The following OCLN variants were observed in gnomAD, a reference collection of about 807,000 sequenced individuals.
OCLN encodes phosphatase 1, regulatory subunit 115.
Under a neutral mutation model 47.9 loss-of-function variants are expected in OCLN, and 21 were observed. The observed-to-expected ratio is 0.44, with a 90% CI of 0.31 to 0.63. OCLN has a LOEUF of 0.63. Ranked by LOEUF, OCLN falls within the 30% of genes least tolerant of loss-of-function variation. The probability of loss-of-function intolerance (pLI) is 0.08; values close to 1 mark genes in which losing one functional copy is unlikely to be tolerated. For synonymous variants in OCLN, 117 were observed against 198.4 expected (o/e 0.59, Z 3.45); for missense variants, 360 against 571.0 (o/e 0.63, Z 3.77).
chr5:69,538,079 G>A (rs1241709202), intron 5 of OCLN, among the ~76,000 whole-genome samples: 3 of 146,734 alleles, frequency 2.0e-5, no homozygotes, highest in Non-Finnish European at 4.5e-5. Flanking sequence ...CAGTAGCATA[G>A]TCGTTTATTG....
Position 69,511,241 on chromosome 5 carries a change from A to ATT in OCLN, c.729+1436_729+1437dup, listed in dbSNP as rs56327483. ...AGGCACCGGCCACCACGCCCAGCTA[A>ATT]TTTTTTTTTTTTTTTGTATTTTTAG... On this transcript the variant is annotated intron_variant, in intron 3 of 8. Transcript: ENST00000396442. Among the ~76,000 whole-genome samples the ATT allele has an allele frequency of 7.7e-3, 1,097 of 142,700 alleles. 9 individuals are homozygous for ATT. Among genetic ancestry groups the ATT allele is most frequent in the Non-Finnish European group, 0.013 (844 of 65,780 alleles). 93.6% of individuals were successfully genotyped at this position (142,700 alleles called of 152,430 possible). A position where few individuals can be genotyped will look rare whatever the true frequency, so the allele number is the denominator to read the frequency against.
intron 4 of OCLN, among the ~76,000 whole-genome samples, chr5:69,530,989 C>T (rs1299984016): frequency 1.3e-5 from 2 of 152,246 alleles, no homozygotes; most frequent in Non-Finnish European, 1.5e-5. Context: ...CAGGAAACTG[C>T]CCGCCCTTGC....
chr5:69,537,158 A>C (rs1769611809), intron 5 of OCLN, among the ~76,000 whole-genome samples: 1 of 149,706 alleles, frequency 6.7e-6, no homozygotes, highest in Admixed American at 6.6e-5. Flanking sequence ...AGATATATAG[A>C]TATAGAGAAG....
intron 4 of OCLN, among the ~76,000 whole-genome samples, chr5:69,532,281 C>T (rs1219486212): frequency 1.3e-5 from 2 of 152,186 alleles, no homozygotes; most frequent in African/African-American, 4.8e-5. Context: ...GACACCCAGG[C>T]TGGAGTGCAG....
intron 1 of OCLN, among the ~76,000 whole-genome samples, chr5:69,503,190 C>T (rs1214391269): frequency 2.0e-5 from 3 of 152,094 alleles, no homozygotes; most frequent in Non-Finnish European, 4.4e-5. Context: ...TCATTGTTGC[C>T]TCACACCTAG....
intron 1 of OCLN, among the ~76,000 whole-genome samples, chr5:69,495,826 T>A (rs1768272229): frequency 6.6e-6 from 1 of 152,170 alleles, no homozygotes; most frequent in Admixed American, 6.6e-5. Context: ...AGGTGACGTC[T>A]GAGCTGAGAC....
chr5:69,498,837 C>A (rs549043071), intron 1 of OCLN, among the ~76,000 whole-genome samples: 1 of 152,018 alleles, frequency 6.6e-6, no homozygotes, highest in East Asian at 1.9e-4. Flanking sequence ...CCGGCACAAT[C>A]CCAGTTAATT....
intron 3 of OCLN, among the ~76,000 whole-genome samples, chr5:69,510,790 C>A (rs1768761567): frequency 6.6e-6 from 1 of 152,182 alleles, no homozygotes; most frequent in Non-Finnish European, 1.5e-5. Flanking sequence ...ATTGCTGGGT[C>A]ATATGGTGAC....
intron 1 of OCLN, among the ~76,000 whole-genome samples, chr5:69,501,226 A>T (rs1434755441): frequency 6.6e-6 from 1 of 152,180 alleles, no homozygotes; most frequent in Non-Finnish European, 1.5e-5. Flanking sequence ...TAAATTCAGT[A>T]TTCCTTAATG....
intron 4 of OCLN, among the ~76,000 whole-genome samples, chr5:69,533,039 G>GTATATATACACATATATACATA (rs1187810167): frequency 6.9e-6 from 1 of 145,414 alleles, no homozygotes; most frequent in Non-Finnish European, 1.5e-5. Flanking sequence ...ACACACACAT[G>GTATATATACACATATATACATA]TATATATACA....
rs1232217115 is a variant in OCLN at position 69,493,840 on chromosome 5, C to T, written c.-69+940C>T. 6.6e-6 allele frequency among the ~76,000 whole-genome samples: 1 copy of T among 152,178 alleles called. No homozygotes were observed. The highest frequency in any genetic ancestry group is 1.5e-5 in the Non-Finnish European group (1 of 68,026). ...AGCAGGGGTCGAGGGCCAAGATGGCCTCTGCGCCTAGGGGTTGGGAGCGGC... is the reference window on the plus strand; with the variant it reads ...AGCAGGGGTCGAGGGCCAAGATGGCTTCTGCGCCTAGGGGTTGGGAGCGGC... On this transcript the variant is annotated intron_variant, in intron 1 of 8. Coordinates refer to ENST00000396442, the MANE Select transcript of OCLN (RefSeq NM_001205254.2). This position sits in a 1 kb window ranked among gnomAD's most constrained non-coding sequence, Gnocchi z 5.3.
chr5:69,502,071 C>T (rs1215025804), intron 1 of OCLN, among the ~76,000 whole-genome samples: 3 of 151,836 alleles, frequency 2.0e-5, no homozygotes, highest in African/African-American at 4.8e-5. Flanking sequence ...TGGCAGCGTG[C>T]GCCTGTAGTC....
In OCLN at chr5:69,531,020, T is replaced by G. The variant is rs1209235914; in HGVS notation, c.892-3674T>G. Among the ~76,000 whole-genome samples, 4 of 152,334 alleles carry G rather than the reference T, an allele frequency of 2.6e-5. No individual in the cohort carries two copies. The South Asian group carries it at 8.3e-4, about 32-fold the overall frequency. ...CTTGCATTTTCTACATCTAGGTTCT[T>G]GGGAAAGTTGTCTAACTGCCTGAGC... On this transcript the variant is annotated intron_variant, in intron 4 of 8. Transcript: ENST00000396442.
intron 4 of OCLN, among the ~76,000 whole-genome samples, chr5:69,524,806 C>T (rs889835072): frequency 6.6e-6 from 1 of 152,234 alleles, no homozygotes; most frequent in African/African-American, 2.4e-5. Flanking sequence ...CCCACTTCAG[C>T]CTCCCAAGTA....
chr5:69,528,044 G>C (rs1045232896), intron 4 of OCLN, among the ~76,000 whole-genome samples: 1 of 152,096 alleles, frequency 6.6e-6, no homozygotes, highest in East Asian at 1.9e-4. Context: ...CCTGGTCCAC[G>C]ATCTCATTAT....
At chr5:69,502,588 C>A (rs1292148323) in intron 1 of OCLN, 1 of 152,186 alleles carries the variant, frequency 6.6e-6, no homozygotes, top group African/African-American at 2.4e-5. Context: ...TCTCAAAGTT[C>A]CCTACTCTAC....
At chr5:69,495,567 ACT>A (rs2111920865) in intron 1 of OCLN, among the ~76,000 whole-genome samples, 1 of 152,270 alleles carries the variant, frequency 6.6e-6, no homozygotes, top group East Asian at 1.9e-4. Context: ...TGAAATCCCA[ACT>A]CTAATAATTG....
At chr5:69,494,652 C>G (rs1034788363) in intron 1 of OCLN, among the ~76,000 whole-genome samples, 3 of 152,234 alleles carry the variant, frequency 2.0e-5, no homozygotes, top group Middle Eastern at 3.4e-3. Context: ...ATAGGGAGAT[C>G]GGTAAGACAT....
intron 7 of OCLN, among the ~76,000 whole-genome samples, chr5:69,548,915 T>C (rs1352424188): frequency 2.0e-5 from 3 of 149,000 alleles, no homozygotes; most frequent in Non-Finnish European, 3.0e-5. Flanking sequence ...GAGCCAAGAT[T>C]GCGCCATTGC....
Sources: gnomAD v4.1 joint callset for allele counts (sites outside exome capture counted in the v4.1 genomes callset) on GRCh38, gnomAD v4.1.1 for gene constraint, Gnocchi (gnomAD v3.1) non-coding constraint, MANE v1.5 for transcripts, NCBI Gene and HGNC (gene_info 2026-07-23, HGNC 2026-07-21) for gene names.